SEPTIN9: variants seen among roughly 807,000 people sequenced by gnomAD.
The protein encoded by SEPTIN9 is septin-9.
In SEPTIN9, 13 loss-of-function variants were observed where a neutral mutation model predicts 56.6. The observed-to-expected ratio is 0.23, with a 90% CI of 0.15 to 0.37. The LOEUF (loss-of-function observed/expected upper bound fraction) is 0.37, where lower values mean the gene tolerates loss of function less well. Among genes scored for constraint, SEPTIN9 ranks in the 10% least tolerant of loss-of-function variants. The pLI, the probability that SEPTIN9 is intolerant of heterozygous loss-of-function variation, is 1.00. For missense variants in SEPTIN9, 650 were observed against 823.1 expected (o/e 0.79, Z 2.57); for synonymous variants, 332 against 334.1 (o/e 0.99, Z 0.07).
chr17:77,379,720 G>T (rs2035071079), intron 2 of SEPTIN9, among the ~76,000 whole-genome samples: 1 of 152,180 alleles, frequency 6.6e-6, no homozygotes, highest in African/African-American at 2.4e-5. Context: ...GCCGGGGATG[G>T]GGCTGGCCTG....
Position 77,445,764 on chromosome 17 carries a change from G to A in SEPTIN9, c.722-36380G>A. On this transcript the variant is annotated intron_variant, in intron 3 of 11. Coordinates refer to ENST00000427177, the MANE Select transcript of SEPTIN9 (RefSeq NM_001113491.2). The surrounding 1 kb of genome is among the most constrained non-coding windows in gnomAD (Gnocchi z 4.7). The stretch of plus-strand genomic sequence containing the variant: ...GTGGGACCTTGCTGTGGGATAGGCT[G>A]GCCAATGGTGCTCCCTCCCCTGTGA... The A allele has an allele frequency of 3.8e-6, 1 of 262,482 alleles. No individual in the cohort carries two copies. Among genetic ancestry groups the A allele is most frequent in the Non-Finnish European group, 8.2e-6 (1 of 122,512 alleles). The allele number at this position is 262,482 out of a possible 1,614,324, so 16.3% of individuals were successfully genotyped here. A position where few individuals can be genotyped will look rare whatever the true frequency, so the allele number is the denominator to read the frequency against.
chr17:77,444,825 G>A (rs2037675921), intron 3 of SEPTIN9: 1 of 267,536 alleles, frequency 3.7e-6, no homozygotes, highest in Non-Finnish European at 7.6e-6. Context: ...AGAAGTAAGT[G>A]GGCGGTGGGA....
intron 1 of SEPTIN9, among the ~76,000 whole-genome samples, chr17:77,290,478 C>G (rs1172181521): frequency 6.6e-6 from 1 of 151,556 alleles, no homozygotes; most frequent in African/African-American, 2.4e-5. Context: ...CCAGGATGGT[C>G]TCAATCTTCT....
At chr17:77,391,846 G>C (rs906968244) in intron 2 of SEPTIN9, among the ~76,000 whole-genome samples, 15 of 152,210 alleles carry the variant, frequency 9.9e-5, no homozygotes, top group African/African-American at 3.6e-4. Flanking sequence ...CAGGTTGTTA[G>C]AGAGCTTTAT....
chr17:77,460,529 C>T (rs2038420814), intron 3 of SEPTIN9, among the ~76,000 whole-genome samples: 1 of 152,208 alleles, frequency 6.6e-6, no homozygotes, highest in South Asian at 2.1e-4. Flanking sequence ...CCCCAAGGCT[C>T]CTGGCTGGCG....
At position 77,485,682 on chromosome 17, in the gene SEPTIN9, C is replaced by G. The variant is rs369957333; in HGVS notation, c.914-1742C>G. Among the ~76,000 whole-genome samples, 23 of 152,128 alleles carry G rather than the reference C, an allele frequency of 1.5e-4. No individual in the cohort carries two copies. In the East Asian group the frequency reaches 4.3e-3, roughly 28 times the overall value. On this transcript the variant is annotated intron_variant, in intron 4 of 11. Transcript: ENST00000427177. Reference sequence around the variant, plus strand: ...ACCTGAGGTTGGCCAGGACACAGACCTGGTGGACAGAGAGAGATGGACGAG... The same window carrying G: ...ACCTGAGGTTGGCCAGGACACAGACGTGGTGGACAGAGAGAGATGGACGAG...
chr17:77,384,027 G>C (rs1007308428), intron 2 of SEPTIN9, among the ~76,000 whole-genome samples: 2 of 152,256 alleles, frequency 1.3e-5, no homozygotes, highest in Non-Finnish European at 2.9e-5. Flanking sequence ...GGCCCTAGTG[G>C]AGAGGGGACA....
intron 4 of SEPTIN9, among the ~76,000 whole-genome samples, chr17:77,484,979 G>GTGGCGATTGTGATGGTGAAGGGGGTGA (rs2039669143): frequency 1.3e-3 from 1 of 778 alleles, no homozygotes; most frequent in Non-Finnish European, 5.4e-3. Flanking sequence ...GGGGGTGATG[G>GTGGCGATTGTGATGGTGAAGGGGGTGA]TGGTGATTGT....
intron 2 of SEPTIN9, among the ~76,000 whole-genome samples, chr17:77,324,058 G>A (rs1304329766): frequency 6.6e-6 from 1 of 152,214 alleles, no homozygotes; most frequent in African/African-American, 2.4e-5. Flanking sequence ...GCTTCTGGCG[G>A]CTCCCGAAAC....
rs34313886 is a variant in SEPTIN9 at position 77,363,379 on chromosome 17, C to CTTTTTTTT, written c.77-38661_77-38654dup. ...CTGGCTCTCCAGGCCTTGGGCCTGT[C>CTTTTTTTT]TTTTTTTTTTTTTTTTTTTTTTTTT... On this transcript the variant is annotated intron_variant, in intron 2 of 11. Transcript: ENST00000427177. Among the ~76,000 whole-genome samples, 5 of 66,620 alleles carry CTTTTTTTT rather than the reference C, an allele frequency of 7.5e-5. 1 individual carries two copies. The highest frequency in any genetic ancestry group is 1.1e-3 in the East Asian group (2 of 1,766). The allele number at this position is 66,620 out of a possible 152,430, so 43.7% of individuals were successfully genotyped here.
In SEPTIN9 at chr17:77,487,409, C is replaced by T; in HGVS notation, c.914-15C>T. Reference sequence around the variant, plus strand: ...TCCGGAGAGACCCCTGACCGGCCTCCCATCCTCTCCCCAGGGCAGAGCGGC... The same window carrying T: ...TCCGGAGAGACCCCTGACCGGCCTCTCATCCTCTCCCCAGGGCAGAGCGGC... On this transcript the variant is annotated splice_polypyrimidine_tract_variant and intron_variant, in intron 4 of 11. Coordinates refer to ENST00000427177, the MANE Select transcript of SEPTIN9 (RefSeq NM_001113491.2). This position sits in a 1 kb window ranked among gnomAD's most constrained non-coding sequence, Gnocchi z 4.3. The T allele has an allele frequency of 6.3e-7, 1 of 1,591,602 alleles. No individual in the cohort carries two copies. The highest frequency in any genetic ancestry group is 8.5e-7 in the Non-Finnish European group (1 of 1,169,990).
rs570680168 is a variant in SEPTIN9 at position 77,368,421 on chromosome 17, C to T, written c.77-33638C>T. ...CCGCCTCCCAGGTTCAGGCGATTCT[C>T]GTGCCTCAGCCTCCCAGAGAGCTGG... On this transcript the variant is annotated intron_variant, in intron 2 of 11. Transcript: ENST00000427177. 6.6e-5 allele frequency among the ~76,000 whole-genome samples: 10 copies of T among 151,850 alleles called. No homozygotes were observed. The East Asian group carries it at 1.8e-3, about 27-fold the overall frequency.
Position 77,497,353 on chromosome 17 carries a change from G to A in SEPTIN9, c.1612G>A (p.Asp538Asn). 1 of 1,613,802 alleles carries A rather than the reference G, an allele frequency of 6.2e-7. No individual in the cohort carries two copies. The change falls in exon 11 of 12, where the codon GAC becomes AAC. Residue 538 changes from aspartate (D) to asparagine (N), a missense_variant. This residue lies in a region of SEPTIN9 where 333 missense variants were observed against 494.0 expected (regional missense o/e 0.67). Coordinates refer to ENST00000427177, the MANE Select transcript of SEPTIN9 (RefSeq NM_001113491.2). ...ACACTGTGAGTTTGCCTACCTGCGG[G>A]ACCTTCTCATCAGGTGAGAGACAGG... is the stretch of plus-strand genomic sequence containing the variant. The part of the protein sequence containing the change: ...TTHCEFAYLR[D>N]LLIRTHMQNI...
At chr17:77,465,115 C>T (rs904186460) in intron 3 of SEPTIN9, among the ~76,000 whole-genome samples, 4 of 152,210 alleles carry the variant, frequency 2.6e-5, no homozygotes, top group Admixed American at 1.3e-4. Flanking sequence ...GTGTCTGGCT[C>T]CTTTCACTTG....
chr17:77,415,638 A>AAAAAAAG (rs2036475903), intron 3 of SEPTIN9, among the ~76,000 whole-genome samples: 1 of 104,812 alleles, frequency 9.5e-6, no homozygotes, highest in African/African-American at 3.6e-5. Flanking sequence ...AAAAAAAAAA[A>AAAAAAAG]AAAAAAGAAA....
At chr17:77,351,651 G>A (rs2034069016) in intron 2 of SEPTIN9, among the ~76,000 whole-genome samples, 1 of 152,260 alleles carries the variant, frequency 6.6e-6, no homozygotes, top group Non-Finnish European at 1.5e-5. Context: ...GCCAAGGTCA[G>A]AGAGCCGAGA....
At chr17:77,320,423 A>G in intron 2 of SEPTIN9, 1 of 1,317,350 alleles carries the variant, frequency 7.6e-7, no homozygotes. Flanking sequence ...GCCTGGGGGA[A>G]TAAGCATGCA....
chr17:77,484,838 G>GA (rs2039646995), intron 4 of SEPTIN9, among the ~76,000 whole-genome samples: 1 of 86,534 alleles, frequency 1.2e-5, no homozygotes, highest in Non-Finnish European at 2.3e-5. Context: ...GGCGATGGTG[G>GA]TTGTGATGGT....
chr17:77,484,767 GGGT>G lies in SEPTIN9; in HGVS notation c.913+2443_913+2445del, dbSNP rs1163044954. On this transcript the variant is annotated intron_variant, in intron 4 of 11. Transcript: ENST00000427177. Reference sequence around the variant, plus strand: ...GTGGTGGTTGTGATGGTGGTGATGTGGGTGGTGGTGGTGATTGTGATGGTGGTG... The same window carrying G: ...GTGGTGGTTGTGATGGTGGTGATGTGGGTGGTGGTGATTGTGATGGTGGTG... 2.1e-4 allele frequency among the ~76,000 whole-genome samples: 10 copies of G among 48,326 alleles called. 1 individual carries two copies. The highest frequency in any genetic ancestry group is 9.6e-4 in the African/African-American group (8 of 8,332). The allele number at this position is 48,326 out of a possible 152,430, so 31.7% of individuals were successfully genotyped here. A position where few individuals can be genotyped will look rare whatever the true frequency, so the allele number is the denominator to read the frequency against.
Sources: allele counts gnomAD v4.1 joint callset (sites outside exome capture counted in the v4.1 genomes callset), GRCh38; gene constraint gnomAD v4.1.1; regional missense constraint gnomAD v4.1.1; non-coding constraint Gnocchi (gnomAD v3.1); transcripts MANE v1.5; gene names NCBI Gene and HGNC (gene_info 2026-07-23, HGNC 2026-07-21).